Variants in PRKG1 observed in about 807,000 individuals in gnomAD.
PRKG1 encodes the protein protein kinase cGMP-dependent 1, also known as cGMP-dependent protein kinase 1.
Under a neutral mutation model 88.1 loss-of-function variants are expected in PRKG1, and 35 were observed. That is an observed-to-expected ratio of 0.40 (90% confidence interval 0.30 to 0.53). PRKG1 has a LOEUF of 0.53. Ranked by LOEUF, PRKG1 falls within the 20% of genes least tolerant of loss-of-function variation. PRKG1 has a pLI of 0.59. For missense variants in PRKG1, 540 were observed against 839.8 expected, an observed-to-expected ratio of 0.64 and a Z score of 4.41; for synonymous variants, 303 against 292.5, an observed-to-expected ratio of 1.04 and a Z score of -0.37.
At chr10:52,140,944 G>A (rs1388851539) in intron 8 of PRKG1, among the ~76,000 whole-genome samples, 3 of 152,114 alleles carry the variant, frequency 2.0e-5, no homozygotes, top group East Asian at 3.9e-4. Context: ...CTAATAGGAT[G>A]ATACACTTAA....
chr10:51,351,764 A>G (rs1459325557), intron 2 of PRKG1, among the ~76,000 whole-genome samples: 1 of 152,000 alleles, frequency 6.6e-6, no homozygotes, highest in Non-Finnish European at 1.5e-5. Flanking sequence ...CCAGTTTTCA[A>G]TTTTGGCTTT....
At chr10:51,601,963 A>G (rs912977784) in intron 3 of PRKG1, among the ~76,000 whole-genome samples, 3 of 151,788 alleles carry the variant, frequency 2.0e-5, no homozygotes, top group Admixed American at 1.3e-4. Flanking sequence ...ACCAGCTCCC[A>G]TCATTTGTCA....
At chr10:51,603,280 A>G (rs1488151666) in intron 3 of PRKG1, among the ~76,000 whole-genome samples, 2 of 152,142 alleles carry the variant, frequency 1.3e-5, no homozygotes, top group East Asian at 1.9e-4. Context: ...TCATTAGACT[A>G]TAAGGCACAC....
intron 2 of PRKG1, among the ~76,000 whole-genome samples, chr10:51,414,123 T>C (rs1053468762): frequency 6.6e-6 from 1 of 152,204 alleles, no homozygotes; most frequent in Admixed American, 6.5e-5. Flanking sequence ...CTGCAGCTAA[T>C]GTGTGTGCAG....
intron 3 of PRKG1, among the ~76,000 whole-genome samples, chr10:51,692,901 C>G (rs575219441): frequency 6.6e-6 from 1 of 152,038 alleles, no homozygotes; most frequent in African/African-American, 2.4e-5. Context: ...TTGTAATTAG[C>G]TACGTACTTT....
chr10:51,445,565 T>C (rs2132758048), intron 2 of PRKG1, among the ~76,000 whole-genome samples: 1 of 149,478 alleles, frequency 6.7e-6, no homozygotes, highest in South Asian at 2.1e-4. Context: ...GTGAAGCAGA[T>C]TTAGTCACAA....
intron 2 of PRKG1, among the ~76,000 whole-genome samples, chr10:51,457,283 G>C (rs1047800608): frequency 1.3e-5 from 2 of 152,150 alleles, no homozygotes; most frequent in Non-Finnish European, 2.9e-5. Context: ...GCAGCAACCT[G>C]GATGGAGTTG....
Position 51,010,371 on chromosome 10 carries a change from G to A in PRKG1, c.266+18727G>A, listed in dbSNP as rs1842979628. On this transcript the variant is annotated intron_variant, in intron 1 of 17. Transcript: ENST00000401604. Reference sequence around the variant, plus strand: ...TCAAGATCCCAAAAGATTATGATGGGCAAGAGTAGTGATTTATAACCCTAT... The same window carrying A: ...TCAAGATCCCAAAAGATTATGATGGACAAGAGTAGTGATTTATAACCCTAT... Among the ~76,000 whole-genome samples the A allele has an allele frequency of 2.6e-5, 4 of 152,296 alleles. No individual in the cohort carries two copies. In the South Asian group the frequency reaches 8.3e-4, roughly 32 times the overall value.
chr10:51,186,954 T>TTTTTTA (rs1318166640), intron 2 of PRKG1, among the ~76,000 whole-genome samples: 6 of 131,262 alleles, frequency 4.6e-5, no homozygotes, highest in Non-Finnish European at 9.6e-5. Context: ...AGGCCCTGTG[T>TTTTTTA]TATATATATA....
chr10:51,227,614 GGT>G (rs1272318261), intron 2 of PRKG1, among the ~76,000 whole-genome samples: 1 of 152,164 alleles, frequency 6.6e-6, no homozygotes, highest in African/African-American at 2.4e-5. Flanking sequence ...CCAAATGCCT[GGT>G]GTACAGCTGG....
intron 2 of PRKG1, among the ~76,000 whole-genome samples, chr10:51,329,049 G>A (rs189512683): frequency 1.1e-4 from 17 of 151,966 alleles, no homozygotes; most frequent in Admixed American, 9.2e-4. Flanking sequence ...TTATTTCTTT[G>A]CTATGTAGAT....
chr10:51,332,160 G>T (rs552547461), intron 2 of PRKG1, among the ~76,000 whole-genome samples: 1 of 152,288 alleles, frequency 6.6e-6, no homozygotes, highest in African/African-American at 2.4e-5. Context: ...TTTTTGAAAT[G>T]ATTTTTCTCT....
intron 2 of PRKG1, among the ~76,000 whole-genome samples, chr10:51,173,600 C>T (rs951434872): frequency 2.6e-5 from 4 of 151,828 alleles, no homozygotes; most frequent in African/African-American, 9.7e-5. Context: ...TTAGAAAAAA[C>T]TTTGAATAGA....
chr10:51,895,141 G>A (rs1841812506), intron 4 of PRKG1, among the ~76,000 whole-genome samples: 1 of 152,190 alleles, frequency 6.6e-6, no homozygotes, highest in Admixed American at 6.5e-5. Context: ...AATGAATGGA[G>A]AGGTGTCGAA....
intron 10 of PRKG1, 97 bp downstream of exon 10, chr10:52,251,763 T>C (rs1589735270): frequency 2.9e-6 from 3 of 1,026,392 alleles, no homozygotes; most frequent in Non-Finnish European, 4.3e-6. Flanking sequence ...TGTTTTGTCT[T>C]TCATCATTAA....
At chr10:51,946,012 G>C (rs1202102609) in intron 5 of PRKG1, among the ~76,000 whole-genome samples, 3 of 151,616 alleles carry the variant, frequency 2.0e-5, no homozygotes, top group Admixed American at 2.0e-4. Flanking sequence ...TGCCTTGCTA[G>C]ATTGGGGAAG....
rs1396549567 is a variant in PRKG1, at chr10:51,820,404, G to A, written c.698+15714G>A. ...ATAGGGTAGGTGTAATAATAAAAAA[G>A]CATTAGAATGAAAGACAACATAACC... On this transcript the variant is annotated intron_variant, in intron 4 of 17. Coordinates refer to ENST00000373980, the MANE Select transcript of PRKG1 (RefSeq NM_006258.4). Among the ~76,000 whole-genome samples, 6 of 152,134 alleles carry A rather than the reference G, an allele frequency of 3.9e-5. No homozygotes were observed. The East Asian group carries it at 1.2e-3, about 29-fold the overall frequency.
intron 7 of PRKG1, among the ~76,000 whole-genome samples, chr10:52,098,560 C>T (rs982259557): frequency 2.6e-5 from 4 of 152,138 alleles, no homozygotes; most frequent in African/African-American, 9.7e-5. Context: ...CCTGTAATCC[C>T]AGCACTTGGG....
intron 3 of PRKG1, among the ~76,000 whole-genome samples, chr10:51,481,033 G>T (rs1388019919): frequency 1.3e-5 from 2 of 151,984 alleles, no homozygotes; most frequent in South Asian, 2.1e-4. Context: ...GCTGTATATG[G>T]CATTTAATGA....
Sources: gnomAD v4.1 joint callset for allele counts (sites outside exome capture counted in the v4.1 genomes callset) on GRCh38, gnomAD v4.1.1 for gene constraint, MANE v1.5 for transcripts, NCBI Gene and HGNC (gene_info 2026-07-23, HGNC 2026-07-21) for gene names.